The following NTM variants were observed in gnomAD, a reference collection of about 807,000 sequenced individuals.
NTM encodes neurotrimin.
In NTM, 13 loss-of-function variants were observed where a neutral mutation model predicts 42.1. The ratio of observed to expected loss-of-function variants is 0.31; its 90% CI spans 0.20 to 0.49. NTM has a LOEUF of 0.49. Among genes scored for constraint, NTM ranks in the 20% least tolerant of loss-of-function variants. The probability of loss-of-function intolerance (pLI) is 0.99; values close to 1 mark genes in which losing one functional copy is unlikely to be tolerated. For missense variants in NTM, 373 were observed against 452.8 expected, an observed-to-expected ratio of 0.82 and a Z score of 1.60; for synonymous variants, 187 against 179.2, an observed-to-expected ratio of 1.04 and a Z score of -0.35.
At chr11:131,976,630 A>C (rs903894286) in intron 2 of NTM, among the ~76,000 whole-genome samples, 28 of 152,198 alleles carry the variant, frequency 1.8e-4, no homozygotes, top group Admixed American at 1.8e-3. Context: ...AACTGAAATC[A>C]CAAATGAATG....
intron 4 of NTM, among the ~76,000 whole-genome samples, chr11:132,218,609 G>T (rs1293173502): frequency 2.0e-5 from 3 of 152,158 alleles, no homozygotes; most frequent in Non-Finnish European, 4.4e-5. Flanking sequence ...TCTTCTGCTA[G>T]AGTATCAGAA....
At chr11:131,731,494 T>C (rs894807977) in intron 1 of NTM, among the ~76,000 whole-genome samples, 4 of 152,306 alleles carry the variant, frequency 2.6e-5, no homozygotes, top group Middle Eastern at 3.4e-3. Context: ...ATTCCTCTTA[T>C]TTCAGTTCAT....
chr11:131,422,886 A>G (rs1293073406), intron 1 of NTM, among the ~76,000 whole-genome samples: 1 of 152,230 alleles, frequency 6.6e-6, no homozygotes, highest in African/African-American at 2.4e-5. Context: ...ATCAGGGACT[A>G]TATATCTTCC....
chr11:131,849,966 TATA>T (rs10605011), intron 1 of NTM, among the ~76,000 whole-genome samples: 96,870 of 146,572 alleles, frequency 0.66, 32,698 homozygotes, highest in Non-Finnish European at 0.73. Context: ...AAACTTAAAG[TATA>T]ATAATAATAA....
chr11:131,900,971 C>T (rs946857948), intron 1 of NTM, among the ~76,000 whole-genome samples: 7 of 152,164 alleles, frequency 4.6e-5, no homozygotes, highest in African/African-American at 1.7e-4. Flanking sequence ...TAGTATCATG[C>T]TCCAATATGT....
intron 1 of NTM, among the ~76,000 whole-genome samples, chr11:131,787,106 CTCTT>C (rs1243420380): frequency 1.3e-5 from 2 of 152,058 alleles, no homozygotes; most frequent in Non-Finnish European, 2.9e-5. Flanking sequence ...AAACAGATTA[CTCTT>C]TAAAGTTCCC....
intron 1 of NTM, among the ~76,000 whole-genome samples, chr11:131,538,812 G>C (rs1167865472): frequency 6.6e-6 from 1 of 151,842 alleles, no homozygotes; most frequent in Non-Finnish European, 1.5e-5. Context: ...TACAGCATGG[G>C]GACTACAGTT....
chr11:131,907,102 C>T (rs2053974150), intron 1 of NTM, among the ~76,000 whole-genome samples: 1 of 151,224 alleles, frequency 6.6e-6, no homozygotes, highest in Non-Finnish European at 1.5e-5. Flanking sequence ...CGCCTGCACT[C>T]CTATGTGAGA....
At chr11:131,848,702 C>T (rs993654929) in intron 1 of NTM, among the ~76,000 whole-genome samples, 1 of 152,174 alleles carries the variant, frequency 6.6e-6, no homozygotes, top group Non-Finnish European at 1.5e-5. Context: ...TCTGTCATCG[C>T]CCTTGGTTCT....
At chr11:132,213,140 G>A (rs1050024065) in intron 4 of NTM, among the ~76,000 whole-genome samples, 1 of 152,202 alleles carries the variant, frequency 6.6e-6, no homozygotes, top group Non-Finnish European at 1.5e-5. Flanking sequence ...TGAAATGTGT[G>A]TATGTGATTA....
At chr11:131,789,727 C>CCG (rs1673561176) in intron 1 of NTM, among the ~76,000 whole-genome samples, 1 of 150,906 alleles carries the variant, frequency 6.6e-6, no homozygotes, top group South Asian at 2.1e-4. Context: ...GAGGTGGAGG[C>CCG]AGGCGGATCA....
intron 3 of NTM, among the ~76,000 whole-genome samples, chr11:132,152,809 CTAAAG>C (rs2072255333): frequency 6.6e-6 from 1 of 152,190 alleles, no homozygotes; most frequent in Non-Finnish European, 1.5e-5. Flanking sequence ...AATGTAAAGA[CTAAAG>C]TAATCTCAGA....
intron 1 of NTM, among the ~76,000 whole-genome samples, chr11:131,651,563 C>T (rs958473673): frequency 2.6e-5 from 4 of 152,230 alleles, no homozygotes; most frequent in East Asian, 1.9e-4. Flanking sequence ...TCATAAAGGC[C>T]GGGCACAGTG....
intron 4 of NTM, among the ~76,000 whole-genome samples, chr11:132,232,194 C>G (rs1372751846): frequency 6.6e-6 from 1 of 152,138 alleles, no homozygotes; most frequent in Non-Finnish European, 1.5e-5. Context: ...TGACTATAAA[C>G]TTCCCACTGT....
At chr11:131,883,908 C>T (rs1592542632) in intron 1 of NTM, among the ~76,000 whole-genome samples, 1 of 152,274 alleles carries the variant, frequency 6.6e-6, no homozygotes, top group Non-Finnish European at 1.5e-5. Context: ...TGGGTCTTGA[C>T]TTTTCTTTTA....
intron 2 of NTM, among the ~76,000 whole-genome samples, chr11:131,981,715 AAGG>A: frequency 6.6e-6 from 1 of 152,272 alleles, no homozygotes; most frequent in Non-Finnish European, 1.5e-5. Flanking sequence ...GGGCCCTTGA[AAGG>A]AGAGAAAACA....
chr11:132,279,657 T>C (rs2093890573), intron 4 of NTM, among the ~76,000 whole-genome samples: 1 of 152,224 alleles, frequency 6.6e-6, no homozygotes, highest in African/African-American at 2.4e-5. Flanking sequence ...TCCAGGCCTT[T>C]GTTTATATTT....
chr11:132,192,592 A>G (rs1350618437), intron 3 of NTM, among the ~76,000 whole-genome samples: 2 of 152,288 alleles, frequency 1.3e-5, no homozygotes, highest in East Asian at 1.9e-4. Context: ...GCAACTATGC[A>G]ATCAAGTATA....
At chr11:131,883,082 C>T (rs2049805616) in intron 1 of NTM, among the ~76,000 whole-genome samples, 1 of 152,188 alleles carries the variant, frequency 6.6e-6, no homozygotes, top group Non-Finnish European at 1.5e-5. Flanking sequence ...GACTTCTGTG[C>T]TCCGTAGCCT....
Sources: gnomAD v4.1 joint callset for allele counts (sites outside exome capture counted in the v4.1 genomes callset) on GRCh38, gnomAD v4.1.1 for gene constraint, MANE v1.5 for transcripts, NCBI Gene and HGNC (gene_info 2026-07-23, HGNC 2026-07-21) for gene names.